ZNF407: variants seen among roughly 807,000 people sequenced by gnomAD.
ZNF407 encodes zinc finger protein 407.
A neutral mutation model predicts 131.2 loss-of-function variants in ZNF407; 17 were observed. That is an observed-to-expected ratio of 0.13 (90% CI 0.09 to 0.19). ZNF407 has a LOEUF of 0.19. Ranked by LOEUF, ZNF407 falls within the 10% of genes least tolerant of loss-of-function variation. ZNF407 has a pLI of 1.00. For synonymous variants in ZNF407, 1,156 were observed against 1,062.0 expected (o/e 1.09, Z -1.72); for missense variants, 2,681 against 2,830.6 (o/e 0.95, Z 1.20).
chr18:74,724,547 TTCTCTCTC>T (rs145328414), intron 3 of ZNF407, among the ~76,000 whole-genome samples: 1 of 150,598 alleles, frequency 6.6e-6, no homozygotes, highest in Non-Finnish European at 1.5e-5. Flanking sequence ...TTTTTAAGAT[TTCTCTCTC>T]TCTCTCTCTC....
intron 3 of ZNF407, among the ~76,000 whole-genome samples, chr18:74,750,463 T>C (rs1968774548): frequency 6.6e-6 from 1 of 152,230 alleles, no homozygotes; most frequent in Non-Finnish European, 1.5e-5. Context: ...TGAATGTGAT[T>C]ATACAATATG....
At chr18:74,636,818 C>G (rs1293949931) in intron 2 of ZNF407, among the ~76,000 whole-genome samples, 1 of 152,164 alleles carries the variant, frequency 6.6e-6, no homozygotes, top group Non-Finnish European at 1.5e-5. Context: ...TGCACTGCAG[C>G]CATTTTTGGG....
chr18:74,863,323 TAATA>T (rs768436849), intron 4 of ZNF407, among the ~76,000 whole-genome samples: 3 of 151,752 alleles, frequency 2.0e-5, no homozygotes, highest in Non-Finnish European at 2.9e-5. Context: ...TTTTGAAGAA[TAATA>T]AATATCAGTA....
At chr18:74,951,618 G>A (rs779119827) in intron 8 of ZNF407, among the ~76,000 whole-genome samples, 29 of 152,038 alleles carry the variant, frequency 1.9e-4, no homozygotes, top group Non-Finnish European at 1.6e-4. Context: ...CTTAAACATG[G>A]CATTTTTATT....
intron 3 of ZNF407, among the ~76,000 whole-genome samples, chr18:74,767,681 T>C (rs1318262144): frequency 7.3e-6 from 1 of 137,124 alleles, no homozygotes; most frequent in Non-Finnish European, 1.5e-5. Context: ...TGAGATGGAG[T>C]CTCGCTCTGT....
intron 1 of ZNF407, among the ~76,000 whole-genome samples, chr18:74,600,295 T>C (rs1187149407): frequency 2.0e-5 from 3 of 152,326 alleles, no homozygotes; most frequent in African/African-American, 7.2e-5. Context: ...GCTGGCTGGC[T>C]GGGGCCACAT....
intron 4 of ZNF407, among the ~76,000 whole-genome samples, chr18:74,790,085 GT>G (rs1236649063): frequency 3.9e-5 from 6 of 151,950 alleles, no homozygotes; most frequent in Non-Finnish European, 8.8e-5. Flanking sequence ...TAATATACAT[GT>G]TAATATATGG....
chr18:74,830,041 A>G (rs2145116119), intron 4 of ZNF407, among the ~76,000 whole-genome samples: 1 of 152,268 alleles, frequency 6.6e-6, no homozygotes, highest in Non-Finnish European at 1.5e-5. Context: ...GGAAGAGACC[A>G]TAGGGAATGA....
chr18:75,008,748 A>G (rs1216238012), intron 8 of ZNF407, among the ~76,000 whole-genome samples: 3 of 152,182 alleles, frequency 2.0e-5, no homozygotes, highest in Non-Finnish European at 2.9e-5. Flanking sequence ...GAACATTTCC[A>G]CTACCTTCTG....
chr18:74,659,414 A>G (rs925061728), intron 3 of ZNF407, among the ~76,000 whole-genome samples: 1 of 152,154 alleles, frequency 6.6e-6, no homozygotes, highest in Non-Finnish European at 1.5e-5. Context: ...TAATTTTGAA[A>G]TTGACCTTTG....
intron 8 of ZNF407, among the ~76,000 whole-genome samples, chr18:75,016,874 C>G (rs957439396): frequency 6.6e-6 from 1 of 152,108 alleles, no homozygotes; most frequent in Non-Finnish European, 1.5e-5. Flanking sequence ...GGAGTCCCAG[C>G]ATTTGTAGCC....
chr18:74,726,942 A>G (rs971840149), intron 3 of ZNF407, among the ~76,000 whole-genome samples: 3 of 152,188 alleles, frequency 2.0e-5, no homozygotes, highest in Non-Finnish European at 2.9e-5. Context: ...ATTTTCTAAG[A>G]TAGTCAATCT....
intron 8 of ZNF407, among the ~76,000 whole-genome samples, chr18:74,988,653 A>T (rs1026442776): frequency 1.4e-4 from 21 of 151,580 alleles, no homozygotes; most frequent in Admixed American, 6.6e-4. Flanking sequence ...AATAATAAAA[A>T]AAATAAATAA....
intron 4 of ZNF407, among the ~76,000 whole-genome samples, chr18:74,848,619 A>G (rs1970734995): frequency 6.6e-6 from 1 of 152,212 alleles, no homozygotes; most frequent in African/African-American, 2.4e-5. Context: ...TTATATAAAT[A>G]CCTCAGTAGG....
chr18:75,004,463 G>A (rs1285096761), intron 8 of ZNF407, among the ~76,000 whole-genome samples: 4 of 152,212 alleles, frequency 2.6e-5, no homozygotes, highest in Middle Eastern at 3.2e-3. Context: ...CCGTGCCACC[G>A]AAAGGAAAGG....
At position 74,604,743 on chromosome 18, in the gene ZNF407, A is replaced by C. The variant is rs144926358; in HGVS notation, c.-54+6806A>C. ...TAATGTTTTTGAGTTCTTTATATAA[A>C]CACTGTGCCAGATGCCTCTGTACAT... On this transcript the variant is annotated intron_variant, in intron 1 of 8. Coordinates refer to ENST00000299687, the MANE Select transcript of ZNF407 (RefSeq NM_017757.3). 1.9e-3 allele frequency among the ~76,000 whole-genome samples: 291 copies of C among 152,318 alleles called. 1 individual carries two copies. Among genetic ancestry groups the C allele is most frequent in the Middle Eastern group, 0.014 (4 of 294 alleles).
chr18:75,003,124 C>T (rs1599288459), intron 8 of ZNF407, among the ~76,000 whole-genome samples: 1 of 152,234 alleles, frequency 6.6e-6, no homozygotes, highest in East Asian at 1.9e-4. Flanking sequence ...AAAAGTAGGG[C>T]TTTCCTAACA....
intron 3 of ZNF407, 144 bp downstream of exon 3, chr18:74,641,266 T>A (rs1200315340): frequency 4.9e-6 from 3 of 614,522 alleles, no homozygotes; most frequent in Non-Finnish European, 8.9e-6. Context: ...GGTAAATTCC[T>A]TAAATACAGT....
At chr18:74,712,243 T>C (rs1967782877) in intron 3 of ZNF407, among the ~76,000 whole-genome samples, 1 of 152,218 alleles carries the variant, frequency 6.6e-6, no homozygotes. Context: ...GTTCATGTCC[T>C]AGCGCCTATG....
Sources: gnomAD v4.1 joint callset for allele counts (sites outside exome capture counted in the v4.1 genomes callset) on GRCh38, gnomAD v4.1.1 for gene constraint, MANE v1.5 for transcripts, NCBI Gene and HGNC (gene_info 2026-07-23, HGNC 2026-07-21) for gene names.